WWOX: variants seen among roughly 807,000 people sequenced by gnomAD.
WWOX encodes WW domain containing oxidoreductase.
WWOX carries 69 observed loss-of-function variants against 46.2 expected under a neutral mutation model. That is an observed-to-expected ratio of 1.49 (90% confidence interval 1.23 to 1.82). WWOX has a LOEUF of 1.82. Among genes scored for constraint, WWOX ranks in the 40% most tolerant of loss-of-function variants. The probability of loss-of-function intolerance (pLI) is 0.00; values close to 1 mark genes in which losing one functional copy is unlikely to be tolerated. For synonymous variants in WWOX, 359 were observed against 202.6 expected (o/e 1.77, Z -6.56); for missense variants, 919 against 542.6 (o/e 1.69, Z -6.89).
intron 6 of WWOX, among the ~76,000 whole-genome samples, chr16:78,419,950 C>A (rs117394566): frequency 1.8e-4 from 28 of 152,120 alleles, no homozygotes; most frequent in African/African-American, 6.7e-4. Context: ...AATGAAAACT[C>A]ATTTAAAAAA....
intron 5 of WWOX, among the ~76,000 whole-genome samples, chr16:78,212,467 C>G (rs1379267340): frequency 6.6e-6 from 1 of 152,188 alleles, no homozygotes; most frequent in Non-Finnish European, 1.5e-5. Context: ...CCTTCTTTGA[C>G]TACCTCTGTA....
intron 8 of WWOX, among the ~76,000 whole-genome samples, chr16:78,519,752 C>T (rs927906286): frequency 3.3e-5 from 5 of 152,126 alleles, no homozygotes; most frequent in African/African-American, 1.2e-4. Context: ...TGTGAGGAGC[C>T]CACAAGCAGG....
At chr16:78,804,397 A>G (rs147877294) in intron 8 of WWOX, among the ~76,000 whole-genome samples, 2 of 152,126 alleles carry the variant, frequency 1.3e-5, no homozygotes, top group African/African-American at 4.8e-5. Flanking sequence ...GGAGGTAGGA[A>G]AAAAGGCGCT....
At chr16:79,121,069 A>G (rs1395747397) in intron 8 of WWOX, among the ~76,000 whole-genome samples, 1 of 152,144 alleles carries the variant, frequency 6.6e-6, no homozygotes, top group Non-Finnish European at 1.5e-5. Context: ...ATGCCTGGCT[A>G]TCTGCGTTTC....
intron 5 of WWOX, among the ~76,000 whole-genome samples, chr16:78,376,585 C>T (rs549001793): frequency 3.9e-5 from 6 of 152,176 alleles, no homozygotes; most frequent in Non-Finnish European, 8.8e-5. Context: ...ACAAACCACA[C>T]GCAGGCATCC....
intron 4 of WWOX, among the ~76,000 whole-genome samples, chr16:78,125,198 C>G (rs920802040): frequency 6.6e-6 from 1 of 152,124 alleles, no homozygotes; most frequent in African/African-American, 2.4e-5. Context: ...ATTTAATTCT[C>G]AGCACCGTGC....
intron 8 of WWOX, among the ~76,000 whole-genome samples, chr16:78,692,217 C>G (rs1469022830): frequency 6.6e-6 from 1 of 152,144 alleles, no homozygotes; most frequent in African/African-American, 2.4e-5. Flanking sequence ...CTGTCTAACT[C>G]CTAAGGTTTT....
intron 8 of WWOX, among the ~76,000 whole-genome samples, chr16:79,091,937 C>T (rs980263252): frequency 9.9e-5 from 15 of 151,754 alleles, no homozygotes; most frequent in African/African-American, 3.1e-4. Context: ...CATGCCACCA[C>T]GCCCAGCTAA....
chr16:78,188,237 C>A (rs970163083), intron 5 of WWOX, among the ~76,000 whole-genome samples: 9 of 152,126 alleles, frequency 5.9e-5, no homozygotes, highest in African/African-American at 7.2e-5. Context: ...CACCTGTAAT[C>A]CCAGCACTTT....
chr16:78,688,889 C>T (rs1207981004), intron 8 of WWOX, among the ~76,000 whole-genome samples: 4 of 152,126 alleles, frequency 2.6e-5, no homozygotes, highest in African/African-American at 9.7e-5. Context: ...TGAGTTCTCA[C>T]AAGATTTGAT....
At chr16:78,520,894 T>C (rs898874418) in intron 8 of WWOX, among the ~76,000 whole-genome samples, 1 of 152,172 alleles carries the variant, frequency 6.6e-6, no homozygotes, top group Non-Finnish European at 1.5e-5. Flanking sequence ...CATTTTGCCA[T>C]GGTGTTAACA....
chr16:79,048,609 T>C (rs192532971), intron 8 of WWOX, among the ~76,000 whole-genome samples: 22 of 152,276 alleles, frequency 1.4e-4, no homozygotes, highest in Admixed American at 8.5e-4. Flanking sequence ...TGCTAAAGAA[T>C]GTGTTGTGTT....
chr16:79,024,923 T>A (rs2047607412), intron 8 of WWOX, among the ~76,000 whole-genome samples: 1 of 152,038 alleles, frequency 6.6e-6, no homozygotes, highest in East Asian at 1.9e-4. Flanking sequence ...AAGAAACACG[T>A]GAGTGTGGGA....
chr16:78,443,345 C>A (rs1287394648), intron 8 of WWOX, among the ~76,000 whole-genome samples: 8 of 152,104 alleles, frequency 5.3e-5, no homozygotes. Context: ...GTGCAAGCCT[C>A]AGGAACCACT....
At chr16:79,175,302 T>G (rs1230057160) in intron 8 of WWOX, among the ~76,000 whole-genome samples, 1 of 152,242 alleles carries the variant, frequency 6.6e-6, no homozygotes, top group Non-Finnish European at 1.5e-5. Context: ...TAAGAAAGCC[T>G]ATATACTCTG....
chr16:78,721,209 A>G (rs2048681595), intron 8 of WWOX, among the ~76,000 whole-genome samples: 1 of 151,888 alleles, frequency 6.6e-6, no homozygotes, highest in Non-Finnish European at 1.5e-5. Flanking sequence ...TATACTTTCT[A>G]CAGTATCTTT....
intron 8 of WWOX, among the ~76,000 whole-genome samples, chr16:78,797,663 C>T (rs1349118999): frequency 6.6e-6 from 1 of 152,104 alleles, no homozygotes; most frequent in Non-Finnish European, 1.5e-5. Flanking sequence ...TGATAAGTAG[C>T]AAACAATATC....
intron 5 of WWOX, among the ~76,000 whole-genome samples, chr16:78,368,848 G>T (rs1209362783): frequency 6.6e-6 from 1 of 152,178 alleles, no homozygotes; most frequent in African/African-American, 2.4e-5. Context: ...CCCTGTGCCG[G>T]TGCCCAAACC....
intron 8 of WWOX, among the ~76,000 whole-genome samples, chr16:79,124,294 T>A (rs1326160623): frequency 6.6e-6 from 1 of 152,094 alleles, no homozygotes; most frequent in Non-Finnish European, 1.5e-5. Context: ...CATCCGCGCT[T>A]GCATGGAAAT....
Sources: gnomAD v4.1 joint callset for allele counts (sites outside exome capture counted in the v4.1 genomes callset) on GRCh38, gnomAD v4.1.1 for gene constraint, MANE v1.5 for transcripts, NCBI Gene and HGNC (gene_info 2026-07-23, HGNC 2026-07-21) for gene names.